The following RAMP1 variants were observed in gnomAD, a reference collection of about 807,000 sequenced individuals.
The protein encoded by RAMP1 is receptor activity modifying protein 1, also known as receptor activity-modifying protein 1.
A neutral mutation model predicts 8.2 loss-of-function variants in RAMP1; 7 were observed. The observed-to-expected ratio is 0.85, with a 90% CI of 0.49 to 1.60. RAMP1 has a LOEUF of 1.60. RAMP1 is among the 40% of genes most tolerant of loss of function. The probability of loss-of-function intolerance (pLI) is 0.00; values close to 1 mark genes in which losing one functional copy is unlikely to be tolerated. For synonymous variants in RAMP1, 92 were observed against 84.7 expected (o/e 1.09, Z -0.47); for missense variants, 192 against 202.4 (o/e 0.95, Z 0.31).
chr2:237,903,817 C>T (rs966946446), intron 2 of RAMP1, among the ~76,000 whole-genome samples: 1 of 152,226 alleles, frequency 6.6e-6, no homozygotes, highest in Non-Finnish European at 1.5e-5. Context: ...GCCTTAGCCT[C>T]CCGAGTAGCT....
At chr2:237,870,925 G>A (rs1413952443) in intron 1 of RAMP1, among the ~76,000 whole-genome samples, 2 of 152,236 alleles carry the variant, frequency 1.3e-5, no homozygotes, top group African/African-American at 2.4e-5. Context: ...CTTCGTGGGG[G>A]TAGAGGCTCT....
chr2:237,903,910 G>A (rs1484573715), intron 2 of RAMP1, among the ~76,000 whole-genome samples: 1 of 152,102 alleles, frequency 6.6e-6, no homozygotes, highest in African/African-American at 2.4e-5. Flanking sequence ...TAGCCATTTT[G>A]TATTTTTTTG....
intron 2 of RAMP1, among the ~76,000 whole-genome samples, chr2:237,895,098 C>T (rs1036983795): frequency 6.6e-6 from 1 of 152,170 alleles, no homozygotes; most frequent in Non-Finnish European, 1.5e-5. Context: ...GGAGCCACGG[C>T]CCCCCAGCAC....
chr2:237,900,702 A>G (rs1280907297), intron 2 of RAMP1, among the ~76,000 whole-genome samples: 2 of 152,116 alleles, frequency 1.3e-5, no homozygotes, highest in Non-Finnish European at 2.9e-5. Context: ...GAATTTTTAA[A>G]TTCTCCTGTG....
At chr2:237,884,119 G>C (rs2062403415) in intron 2 of RAMP1, among the ~76,000 whole-genome samples, 1 of 152,018 alleles carries the variant, frequency 6.6e-6, no homozygotes, top group African/African-American at 2.4e-5. Flanking sequence ...TTGTGAGCAA[G>C]GCTTGGGGGT....
chr2:237,910,757 TCA>T (rs1251800287), intron 2 of RAMP1, among the ~76,000 whole-genome samples: 3 of 114,568 alleles, frequency 2.6e-5, no homozygotes, highest in Non-Finnish European at 6.3e-5. Flanking sequence ...CAGAAAATAG[TCA>T]CACACACAGT....
intron 2 of RAMP1, among the ~76,000 whole-genome samples, chr2:237,907,621 A>G (rs780172062): frequency 1.3e-5 from 2 of 151,878 alleles, no homozygotes; most frequent in Non-Finnish European, 2.9e-5. Context: ...ATTCTCTCTG[A>G]TGCCATATCT....
intron 2 of RAMP1, among the ~76,000 whole-genome samples, chr2:237,895,634 C>T (rs1360890922): frequency 6.6e-6 from 1 of 152,060 alleles, no homozygotes; most frequent in Admixed American, 6.5e-5. Context: ...CAGGATGGGT[C>T]GCTGAAGGCT....
intron 2 of RAMP1, among the ~76,000 whole-genome samples, chr2:237,898,630 C>T (rs2062566846): frequency 6.6e-6 from 1 of 152,208 alleles, no homozygotes; most frequent in Non-Finnish European, 1.5e-5. Flanking sequence ...TCAAGAAAAA[C>T]AAAAGGTGCC....
rs573116336 is a variant in RAMP1, at chr2:237,877,851, G to A, written c.191+489G>A. On this transcript the variant is annotated intron_variant, in intron 2 of 2. Transcript: ENST00000254661. The surrounding 1 kb of genome is among the most constrained non-coding windows in gnomAD (Gnocchi z 4.4). ...CACCACCCACAGCCCCCAGCAGGAC[G>A]GCTTCAGCCGAACCCTTCCCCACCT... 1.0e-3 allele frequency: 613 copies of A among 593,684 alleles called. 4 individuals are homozygous for A. In the African/African-American group the frequency reaches 0.012, roughly 11 times the overall value. 36.8% of individuals were successfully genotyped at this position (593,684 alleles called of 1,614,324 possible).
At chr2:237,908,025 T>TA (rs2062669707) in intron 2 of RAMP1, among the ~76,000 whole-genome samples, 2 of 152,256 alleles carry the variant, frequency 1.3e-5, no homozygotes, top group Non-Finnish European at 2.9e-5. Flanking sequence ...TTGTCATTGT[T>TA]ATGGTTATCT....
intron 2 of RAMP1, among the ~76,000 whole-genome samples, chr2:237,911,092 TCACA>T (rs997982654): frequency 4.0e-5 from 6 of 151,484 alleles, no homozygotes; most frequent in Non-Finnish European, 7.4e-5. Context: ...TTACACATAG[TCACA>T]CACAGTCACA....
intron 2 of RAMP1, among the ~76,000 whole-genome samples, chr2:237,882,622 A>G (rs1355892714): frequency 6.6e-6 from 1 of 152,134 alleles, no homozygotes; most frequent in Non-Finnish European, 1.5e-5. Flanking sequence ...TGTCCCTACC[A>G]ACCTGGTGAG....
chr2:237,868,997 C>T (rs1015356852), intron 1 of RAMP1, among the ~76,000 whole-genome samples: 1 of 152,144 alleles, frequency 6.6e-6, no homozygotes, highest in Non-Finnish European at 1.5e-5. Context: ...CCCGTAAGCC[C>T]GTGGGAGGAG....
chr2:237,876,265 C>T (rs1047711533), intron 1 of RAMP1, among the ~76,000 whole-genome samples: 6 of 152,202 alleles, frequency 3.9e-5, no homozygotes, highest in African/African-American at 1.4e-4. Flanking sequence ...TGGGTGGGCT[C>T]CCTGGGCCCG....
At chr2:237,889,377 G>C (rs1232238045) in intron 2 of RAMP1, among the ~76,000 whole-genome samples, 1 of 152,202 alleles carries the variant, frequency 6.6e-6, no homozygotes, top group African/African-American at 2.4e-5. Flanking sequence ...GGACAGAAAT[G>C]TATTTCCTTC....
intron 2 of RAMP1, among the ~76,000 whole-genome samples, chr2:237,881,601 T>C (rs1016482000): frequency 3.3e-5 from 5 of 152,200 alleles, no homozygotes; most frequent in Non-Finnish European, 4.4e-5. Context: ...TCCATTAGAG[T>C]TGTTACTGTC....
rs559444354 is a variant in RAMP1, at chr2:237,882,703, G to A, written c.191+5341G>A. Among the ~76,000 whole-genome samples, 242 of 152,334 alleles carry A rather than the reference G, an allele frequency of 1.6e-3. 2 individuals carry two copies. Among genetic ancestry groups the A allele is most frequent in the African/African-American group, 5.5e-3 (230 of 41,586 alleles). Reference sequence around the variant, plus strand: ...CCTTCCAAGGGTCTCCAGTAGCAGCGAGGGCCTGGGGTTCTAGGGTGGGCA... The same window carrying A: ...CCTTCCAAGGGTCTCCAGTAGCAGCAAGGGCCTGGGGTTCTAGGGTGGGCA... On this transcript the variant is annotated intron_variant, in intron 2 of 2. Transcript: ENST00000254661.
chr2:237,899,921 G>GA (rs1216402319), intron 2 of RAMP1, among the ~76,000 whole-genome samples: 26 of 150,376 alleles, frequency 1.7e-4, no homozygotes, highest in East Asian at 7.8e-4. Context: ...CAATTAAAAA[G>GA]AAAAAAAAAG....
Sources: gnomAD v4.1 joint callset for allele counts (sites outside exome capture counted in the v4.1 genomes callset) on GRCh38, gnomAD v4.1.1 for gene constraint, Gnocchi (gnomAD v3.1) non-coding constraint, MANE v1.5 for transcripts, NCBI Gene and HGNC (gene_info 2026-07-23, HGNC 2026-07-21) for gene names.